Variants in SASH1 observed in about 807,000 individuals in gnomAD.
SASH1 encodes SAM and SH3 domain containing 1.
In SASH1, 44 loss-of-function variants were observed where a neutral mutation model predicts 125.2. That is an observed-to-expected ratio of 0.35 (90% CI 0.28 to 0.45). SASH1 has a LOEUF of 0.45. Among genes scored for constraint, SASH1 ranks in the 20% least tolerant of loss-of-function variants. The pLI is 1.00. For missense variants in SASH1, 1,426 were observed against 1,614.5 expected, an observed-to-expected ratio of 0.88 and a Z score of 2.00; for synonymous variants, 639 against 649.1, an observed-to-expected ratio of 0.98 and a Z score of 0.24.
At chr6:148,458,139 G>A (rs1777448941) in intron 4 of SASH1, among the ~76,000 whole-genome samples, 1 of 152,140 alleles carries the variant, frequency 6.6e-6, no homozygotes. Flanking sequence ...AGCTGCTCAG[G>A]GAATTATTCC....
chr6:148,412,902 A>T (rs1784683380), intron 2 of SASH1, among the ~76,000 whole-genome samples: 1 of 152,220 alleles, frequency 6.6e-6, no homozygotes, highest in African/African-American at 2.4e-5. Flanking sequence ...CGTGTTCCTT[A>T]AAGCAGCTCA....
In SASH1 at chr6:148,305,852, T is replaced by C. The variant is rs942080285; in HGVS notation, n.74+33475T>C. On this transcript the variant is annotated intron_variant and non_coding_transcript_variant, in intron 1 of 3. Coordinates refer to the SASH1 transcript ENST00000367469. The stretch of plus-strand genomic sequence containing the variant: ...CCTATGCTTAAGTCTGAAGGAGAAA[T>C]TCGAGGAAACGGTTGTTAAATCAGG... Among the ~76,000 whole-genome samples, 4 of 152,008 alleles carry C rather than the reference T, an allele frequency of 2.6e-5. No homozygotes were observed. The East Asian group carries it at 7.7e-4, about 29-fold the overall frequency.
At position 148,544,912 on chromosome 6, in the gene SASH1, G is replaced by A. The variant is rs1782467049; in HGVS notation, c.3348+94G>A. The A allele has an allele frequency of 2.3e-6, 3 of 1,276,728 alleles. No homozygotes were observed. In the East Asian group the frequency reaches 7.6e-5, roughly 32 times the overall value. The allele number at this position is 1,276,728 out of a possible 1,614,324, so 79.1% of individuals were successfully genotyped here. A position where few individuals can be genotyped will look rare whatever the true frequency, so the allele number is the denominator to read the frequency against. On this transcript the variant is annotated intron_variant, in intron 18 of 19. Coordinates refer to ENST00000367467, the MANE Select transcript of SASH1 (RefSeq NM_015278.5). The surrounding 1 kb of genome is among the most constrained non-coding windows in gnomAD (Gnocchi z 6.4). ...TGAACCCACATCTGAAGCCAGCCCG[G>A]TAGCCCGCCCAGTGGACAGGAGACA...
In SASH1 at chr6:148,421,751, G is replaced by T. The variant is rs139266773; in HGVS notation, c.286-18433G>T. Among the ~76,000 whole-genome samples, 360 of 152,300 alleles carry T rather than the reference G, an allele frequency of 2.4e-3. 2 individuals are homozygous for T. The highest frequency in any genetic ancestry group is 8.4e-3 in the African/African-American group (350 of 41,570). On this transcript the variant is annotated intron_variant, in intron 2 of 19. Transcript: ENST00000367467. ...CCCTGTTCTTATCTTATACTTCCCA[G>T]TATTTAGGGAGAAAAAGTTACCAGT...
At chr6:148,214,003 A>G in the SASH1 span, among the ~76,000 whole-genome samples, 1 of 152,210 alleles carries the variant, frequency 6.6e-6, no homozygotes, top group Admixed American at 6.5e-5. Flanking sequence ...TGATGAATAG[A>G]AGAATTGTGT....
chr6:148,252,284 T>C, the SASH1 span, among the ~76,000 whole-genome samples: 1 of 152,246 alleles, frequency 6.6e-6, no homozygotes, highest in Admixed American at 6.5e-5. Context: ...CAGTAATGCA[T>C]TAGATAATCG....
intron 1 of SASH1, among the ~76,000 whole-genome samples, chr6:148,310,174 T>C (rs773020959): frequency 4.0e-5 from 6 of 151,890 alleles, no homozygotes; most frequent in Non-Finnish European, 8.8e-5. Flanking sequence ...ATACAAAAAT[T>C]AGCCAGGTGT....
chr6:148,331,792 G>C (rs1246022651), intron 1 of SASH1, among the ~76,000 whole-genome samples: 4 of 151,624 alleles, frequency 2.6e-5, no homozygotes, highest in Admixed American at 1.3e-4. Flanking sequence ...CTCAGGCTCA[G>C]GTGATCCTCC....
intron 15 of SASH1, among the ~76,000 whole-genome samples, chr6:148,534,350 A>G (rs1214662823): frequency 6.6e-6 from 1 of 152,176 alleles, no homozygotes; most frequent in East Asian, 1.9e-4. Flanking sequence ...TGAGTCTGCA[A>G]TGAGAGATTA....
rs545540820 is a variant in SASH1, at chr6:148,378,494, G to C, written c.157-11640G>C. Among the ~76,000 whole-genome samples, 384 of 152,202 alleles carry C rather than the reference G, an allele frequency of 2.5e-3. 1 individual carries two copies. Among genetic ancestry groups the C allele is most frequent in the Non-Finnish European group, 3.9e-3 (265 of 67,998 alleles). On this transcript the variant is annotated intron_variant, in intron 1 of 19. Transcript: ENST00000367467. The stretch of plus-strand genomic sequence containing the variant: ...CTCAGCTTCCTGAGTAGCTGGGGCC[G>C]CAGGCGTGTGCCATCATGCCCCGCT...
At chr6:148,406,238 C>G (rs1333435789) in intron 2 of SASH1, among the ~76,000 whole-genome samples, 4 of 152,042 alleles carry the variant, frequency 2.6e-5, no homozygotes, top group African/African-American at 9.7e-5. Context: ...TTTGTTCTGG[C>G]TGGTCATAGG....
intron 1 of SASH1, among the ~76,000 whole-genome samples, chr6:148,323,017 T>C (rs1780692932): frequency 7.2e-6 from 1 of 139,640 alleles, no homozygotes; most frequent in Admixed American, 7.5e-5. Context: ...TTCTTTCTTC[T>C]TTCCTTTTCT....
chr6:148,229,636 T>C, the SASH1 span, among the ~76,000 whole-genome samples: 1 of 152,122 alleles, frequency 6.6e-6, no homozygotes, highest in African/African-American at 2.4e-5. Context: ...CCTTATAATT[T>C]ATTCATTGAA....
chr6:148,476,120 T>C (rs1483365074), intron 7 of SASH1, among the ~76,000 whole-genome samples: 6 of 152,038 alleles, frequency 3.9e-5, no homozygotes, highest in Non-Finnish European at 8.8e-5. Flanking sequence ...TACATTTCTG[T>C]GTATGTGTTC....
At chr6:148,371,752 C>G (rs1218673212) in intron 1 of SASH1, among the ~76,000 whole-genome samples, 1 of 152,100 alleles carries the variant, frequency 6.6e-6, no homozygotes, top group Non-Finnish European at 1.5e-5. Flanking sequence ...TGCACTCAGG[C>G]CCCTCCATGC....
At chr6:148,491,760 T>G (rs1052443675) in intron 8 of SASH1, among the ~76,000 whole-genome samples, 1 of 152,206 alleles carries the variant, frequency 6.6e-6, no homozygotes, top group Non-Finnish European at 1.5e-5. Context: ...CAAAGGATTA[T>G]GAATCTGAAA....
intron 2 of SASH1, among the ~76,000 whole-genome samples, chr6:148,430,915 C>T (rs149705202): frequency 1.3e-5 from 2 of 152,286 alleles, no homozygotes; most frequent in African/African-American, 4.8e-5. Flanking sequence ...TAAAAAAGGA[C>T]CCTAAAGATT....
intron 7 of SASH1, among the ~76,000 whole-genome samples, chr6:148,478,324 C>T (rs1458948404): frequency 6.6e-6 from 1 of 152,114 alleles, no homozygotes; most frequent in African/African-American, 2.4e-5. Flanking sequence ...TACATATACA[C>T]GGTGGAACAC....
intron 10 of SASH1, among the ~76,000 whole-genome samples, chr6:148,523,980 T>C (rs949623089): frequency 2.0e-5 from 3 of 151,780 alleles, no homozygotes; most frequent in African/African-American, 7.3e-5. Flanking sequence ...GTAAGTACTT[T>C]ACCTGAGATC....
Sources: gnomAD v4.1 joint callset for allele counts (sites outside exome capture counted in the v4.1 genomes callset) on GRCh38, gnomAD v4.1.1 for gene constraint, Gnocchi (gnomAD v3.1) non-coding constraint, MANE v1.5 for transcripts, NCBI Gene and HGNC (gene_info 2026-07-23, HGNC 2026-07-21) for gene names.